SH3GLB2: variants seen among roughly 807,000 people sequenced by gnomAD.
SH3GLB2 encodes SH3 domain containing GRB2 like, endophilin B2.
Under a neutral mutation model 48.0 loss-of-function variants are expected in SH3GLB2, and 24 were observed. The ratio of observed to expected loss-of-function variants is 0.50; its 90% CI spans 0.36 to 0.70. The LOEUF (loss-of-function observed/expected upper bound fraction) is 0.70, where lower values mean the gene tolerates loss of function less well. SH3GLB2 is among the 30% of genes least tolerant of loss of function. The pLI, the probability that SH3GLB2 is intolerant of heterozygous loss-of-function variation, is 0.00. For synonymous variants in SH3GLB2, 227 were observed against 207.6 expected (o/e 1.09, Z -0.80); for missense variants, 425 against 516.0 (o/e 0.82, Z 1.71).
At chr9:129,016,342 TAAAAAA>T (rs57505648) in intron 3 of SH3GLB2, among the ~76,000 whole-genome samples, 5 of 34,074 alleles carry the variant, frequency 1.5e-4, no homozygotes, top group Non-Finnish European at 2.2e-4. Flanking sequence ...AGACTGTCTT[TAAAAAA>T]AAAAAAAAAA....
intron 6 of SH3GLB2, 87 bp downstream of exon 6, chr9:129,012,149 T>TTC (rs988948521): frequency 1.3e-5 from 12 of 915,014 alleles, no homozygotes; most frequent in Middle Eastern, 7.0e-4. Flanking sequence ...CCAAGCTGGC[T>TTC]TCTAGCTCCT....
At chr9:129,028,031 G>A (rs572063501) in intron 1 of SH3GLB2, 61 bp downstream of exon 1, 2 of 1,457,634 alleles carry the variant, frequency 1.4e-6, no homozygotes, top group Non-Finnish European at 1.8e-6. Flanking sequence ...GTCTGCCGCA[G>A]GGTGCTCCCC....
intron 5 of SH3GLB2, 40 bp from the exon 6 acceptor site, chr9:129,012,338 T>TGGGCCA (rs759110861): frequency 4.0e-6 from 5 of 1,246,942 alleles, no homozygotes; most frequent in East Asian, 6.1e-5. Flanking sequence ...GGGGTCACCC[T>TGGGCCA]GGGCCAGGGC....
At chr9:129,016,951 C>CTTT (rs766780203) in intron 3 of SH3GLB2, among the ~76,000 whole-genome samples, 14 of 112,420 alleles carry the variant, frequency 1.2e-4, no homozygotes, top group African/African-American at 3.6e-4. Context: ...ATACTCTGCT[C>CTTT]TTTTTTTTTT....
chr9:129,017,581 T>C (rs1843506180), intron 3 of SH3GLB2, among the ~76,000 whole-genome samples: 1 of 151,700 alleles, frequency 6.6e-6, no homozygotes, highest in African/African-American at 2.4e-5. Context: ...CTGGCCAACA[T>C]GGTGAGACCC....
intron 1 of SH3GLB2, among the ~76,000 whole-genome samples, chr9:129,025,430 G>A (rs1844092076): frequency 6.6e-6 from 1 of 151,810 alleles, no homozygotes; most frequent in Non-Finnish European, 1.5e-5. Context: ...GCCAGGAGTG[G>A]TGGCAGGTGC....
At chr9:129,013,175 C>G in intron 5 of SH3GLB2, 1 of 746,000 alleles carries the variant, frequency 1.3e-6, no homozygotes, top group Non-Finnish European at 2.3e-6. Context: ...CCTGAAGAGT[C>G]CTAACGTGTG....
chr9:129,015,183 C>T (rs981591890), intron 3 of SH3GLB2, among the ~76,000 whole-genome samples: 1 of 152,126 alleles, frequency 6.6e-6, no homozygotes, highest in African/African-American at 2.4e-5. Flanking sequence ...CAAATCCCCT[C>T]CCAAAAAAAG....
chr9:129,026,780 C>A lies in SH3GLB2; in HGVS notation c.63+1312G>T, dbSNP rs549492479. ...ATACCAACAGCAGAGTGGGTTCCCC[C>A]CTCCCAGATGGACTGGGGCCGTCCA... is the stretch of plus-strand genomic sequence containing the variant. On this transcript the variant is annotated intron_variant, in intron 1 of 10. Transcript: ENST00000372564. Among the ~76,000 whole-genome samples the A allele has an allele frequency of 9.8e-5, 15 of 152,360 alleles. No homozygotes were observed. In the East Asian group the frequency reaches 2.7e-3, roughly 27 times the overall value.
chr9:129,014,857 C>T lies in SH3GLB2; in HGVS notation c.382G>A (p.Ala128Thr), dbSNP rs538915106. 7.4e-5 allele frequency: 120 copies of T among 1,614,026 alleles called. 2 individuals are homozygous for T. In the South Asian group the frequency reaches 9.9e-4, roughly 13 times the overall value. The change falls in exon 4 of 11, where the codon GCG becomes ACG. Residue 128 changes from alanine (A) to threonine (T), a missense_variant. Ala to Thr is a moderately conservative substitution (Grantham distance 58). Coordinates refer to ENST00000372564, the MANE Select transcript of SH3GLB2 (RefSeq NM_020145.4). The surrounding 1 kb of genome is among the most constrained non-coding windows in gnomAD (Gnocchi z 4.1). ...GCCGTGTGGATAAAATCCCTCTCCG[C>T]GGCTCCCAGTTGCTTTTCAGCTTCT... The part of the protein sequence containing the change: ...VAEAEKQLGA[A>T]ERDFIHTASI...
chr9:129,012,257 A>T lies in SH3GLB2; in HGVS notation c.603T>A (p.Ile201=), dbSNP rs750347190. 6.9e-6 allele frequency: 9 copies of T among 1,298,572 alleles called. No homozygotes were observed. In the Admixed American group the frequency reaches 3.3e-4, roughly 47 times the overall value. The allele number at this position is 1,298,572 out of a possible 1,614,324, so 80.4% of individuals were successfully genotyped here. Residue 201 remains isoleucine, a synonymous_variant, in exon 6 of 11, where the codon ATT becomes ATA. Transcript: ENST00000372564. ...TTACCGCGGAGGCGCTGGCCGAGAG[A>T]ATGTAATTACGAGGTCTAGTCTCCT... ...DFQETRPRNY[I]LSASASALWN...
In SH3GLB2 at chr9:129,007,957, T is replaced by A. The variant is rs1471770034; in HGVS notation, c.*727A>T. On this transcript the variant is annotated 3_prime_UTR_variant, in exon 11 of 11. Transcript: ENST00000372564. ...GCAGCCACAGGGCCCCTGCTCACTC[T>A]GTGGAAGAGTGGGGCAGAGGGTGAG... 6.6e-6 allele frequency: 1 copy of A among 152,254 alleles called. No homozygotes were observed. The highest frequency in any genetic ancestry group is 1.5e-5 in the Non-Finnish European group (1 of 68,106). The allele number at this position is 152,254 out of a possible 1,614,324, so 9.4% of individuals were successfully genotyped here. A position where few individuals can be genotyped will look rare whatever the true frequency, so the allele number is the denominator to read the frequency against.
At position 129,007,785 on chromosome 9, in the gene SH3GLB2, A is replaced by T. The variant is rs1452363389; in HGVS notation, c.*899T>A. The T allele has an allele frequency of 1.3e-5, 2 of 152,212 alleles. No individual in the cohort carries two copies. The highest frequency in any genetic ancestry group is 2.9e-5 in the Non-Finnish European group (2 of 68,054). 9.4% of individuals were successfully genotyped at this position (152,212 alleles called of 1,614,324 possible). On this transcript the variant is annotated 3_prime_UTR_variant, in exon 11 of 11. Transcript: ENST00000372564. ...GACGCATTCTACAGTCCGCTCCACA[A>T]TCCAAATTTAGGAAACTTTTTCTTA... is the stretch of plus-strand genomic sequence containing the variant.
chr9:129,008,720 G>A lies in SH3GLB2; in HGVS notation c.1152C>T (p.Gly384=). The A allele has an allele frequency of 1.2e-6, 2 of 1,614,158 alleles. No individual in the cohort carries two copies. Among genetic ancestry groups the A allele is most frequent in the Non-Finnish European group, 1.7e-6 (2 of 1,179,996 alleles). ...GTTCCAAGTAGGTGACAGGGACCTT[G>A]CCCTTCTTGTTGCCTCTCTCGCCAA... ...WLIGERGNKK[G]KVPVTYLELL... is the part of the protein sequence containing the mutation. Residue 384 remains glycine (G), a synonymous_variant, in exon 11 of 11, where the codon GGC becomes GGT. Coordinates refer to ENST00000372564, the MANE Select transcript of SH3GLB2 (RefSeq NM_020145.4).
chr9:129,016,597 G>A (rs1232835810), intron 3 of SH3GLB2, among the ~76,000 whole-genome samples: 4 of 151,204 alleles, frequency 2.6e-5, no homozygotes, highest in South Asian at 2.1e-4. Context: ...GGTGGAGGTC[G>A]CAGTGAACCA....
At position 129,009,910 on chromosome 9, in the gene SH3GLB2, G is replaced by A. The variant is rs774354199; in HGVS notation, c.739-39C>T. On this transcript the variant is annotated intron_variant, in intron 8 of 10. Transcript: ENST00000372564. ...GCCAGAGGCTGACTTCTAACCTCCC[G>A]CCCTCAGAACAAAAAATTCCGTCCC... The A allele has an allele frequency of 3.1e-5, 49 of 1,576,008 alleles. 1 individual carries two copies. Among genetic ancestry groups the A allele is most frequent in the African/African-American group, 8.1e-5 (6 of 74,110 alleles).
At chr9:129,027,953 G>C (rs1564588916) in intron 1 of SH3GLB2, 139 bp downstream of exon 1, 2 of 770,846 alleles carry the variant, frequency 2.6e-6, no homozygotes, top group Admixed American at 4.3e-5. Context: ...AAGGGCTCAG[G>C]GGGGCAGAGG....
intron 6 of SH3GLB2, chr9:129,010,958 T>G: frequency 7.7e-6 from 4 of 521,508 alleles, no homozygotes; most frequent in African/African-American, 1.9e-5. Context: ...GTCAGCCCCA[T>G]TCTCTGAGTG....
intron 6 of SH3GLB2, 55 bp from the exon 7 acceptor site, chr9:129,010,748 G>A: frequency 6.2e-7 from 1 of 1,608,674 alleles, no homozygotes; most frequent in South Asian, 1.1e-5. Context: ...AGGACAGCTG[G>A]ACCCTAGAGC....
Sources: gnomAD v4.1 joint callset for allele counts (sites outside exome capture counted in the v4.1 genomes callset) on GRCh38, gnomAD v4.1.1 for gene constraint, Gnocchi (gnomAD v3.1) non-coding constraint, MANE v1.5 for transcripts, NCBI Gene and HGNC (gene_info 2026-07-23, HGNC 2026-07-21) for gene names.